The following ADCY1 variants were observed in gnomAD, a reference collection of about 807,000 sequenced individuals.
ADCY1 encodes adenylate cyclase 1, also known as adenylate cyclase type 1.
ADCY1 carries 28 observed loss-of-function variants against 105.4 expected under a neutral mutation model. The observed-to-expected ratio is 0.27, with a 90% CI of 0.20 to 0.36. ADCY1 has a LOEUF of 0.36. Ranked by LOEUF, ADCY1 falls within the 10% of genes least tolerant of loss-of-function variation. The probability of loss-of-function intolerance (pLI) is 1.00; values close to 1 mark genes in which losing one functional copy is unlikely to be tolerated. For synonymous variants in ADCY1, 655 were observed against 623.8 expected (o/e 1.05, Z -0.75); for missense variants, 977 against 1,434.2 (o/e 0.68, Z 5.15).
chr7:45,677,822 T>G, intron 8 of ADCY1, 47 bp from the exon 9 acceptor site: 1 of 1,578,850 alleles, frequency 6.3e-7, no homozygotes, highest in Non-Finnish European at 8.6e-7. Flanking sequence ...TTTTCTTCAA[T>G]AAGTGGAGAA....
At position 45,574,643 on chromosome 7, in the gene ADCY1, C is replaced by T. The variant is rs760606743; in HGVS notation, c.100C>T (p.Arg34Trp). The stretch of plus-strand genomic sequence containing the variant: ...CGGGACAAGCCGCCGGCGCGGGCTC[C>T]GGGCGTGCGACGAGGAGTTCGCTTG... ...AAGTSRRRGL[R>W]ACDEEFACPE... Residue 34 changes from arginine (R) to tryptophan (W), a missense_variant, in exon 1 of 20, where the codon CGG (arginine) becomes TGG (tryptophan). Physicochemically the swap from Arg to Trp is moderately radical, Grantham distance 101. This residue lies in a region of ADCY1 where 209 missense variants were observed against 222.5 expected (regional missense o/e 0.94). Transcript: ENST00000297323. The surrounding 1 kb of genome is among the most constrained non-coding windows in gnomAD (Gnocchi z 7.0). 2 of 1,260,326 alleles carry T rather than the reference C, an allele frequency of 1.6e-6. No individual in the cohort carries two copies. Among genetic ancestry groups the T allele is most frequent in the Non-Finnish European group, 2.0e-6 (2 of 1,004,300 alleles). The allele number at this position is 1,260,326 out of a possible 1,614,324, so 78.1% of individuals were successfully genotyped here. A position where few individuals can be genotyped will look rare whatever the true frequency, so the allele number is the denominator to read the frequency against.
At chr7:45,613,074 A>G (rs1793635699) in intron 3 of ADCY1, among the ~76,000 whole-genome samples, 1 of 152,202 alleles carries the variant, frequency 6.6e-6, no homozygotes, top group African/African-American at 2.4e-5. Context: ...GAACCAGGCA[A>G]AGATGTTCCA....
chr7:45,712,907 G>T (rs974917261), intron 19 of ADCY1, among the ~76,000 whole-genome samples: 21 of 152,108 alleles, frequency 1.4e-4, no homozygotes, highest in African/African-American at 5.1e-4. Flanking sequence ...AACCTGTCAA[G>T]AAATGTCTCT....
rs1584347584 is a variant in ADCY1 at position 45,710,264 on chromosome 7, A to T, written c.2933-264A>T. On this transcript the variant is annotated intron_variant, in intron 18 of 19. Coordinates refer to ENST00000297323, the MANE Select transcript of ADCY1 (RefSeq NM_021116.4). The surrounding 1 kb of genome is among the most constrained non-coding windows in gnomAD (Gnocchi z 4.7). ...TATTTAGGATCAGGACTCGTTTTGA[A>T]CAGCCAGTGCTGTTCCCCAGTGCAG... is the stretch of plus-strand genomic sequence containing the variant. 6.6e-6 allele frequency among the ~76,000 whole-genome samples: 1 copy of T among 152,256 alleles called. No individual in the cohort carries two copies. The highest frequency in any genetic ancestry group is 1.9e-4 in the East Asian group (1 of 5,170).
In ADCY1 at chr7:45,584,275, C is replaced by T. The variant is rs540570995; in HGVS notation, c.640-8484C>T. Among the ~76,000 whole-genome samples, 3 of 152,260 alleles carry T rather than the reference C, an allele frequency of 2.0e-5. No homozygotes were observed. In the South Asian group the frequency reaches 6.2e-4, roughly 32 times the overall value. On this transcript the variant is annotated intron_variant, in intron 1 of 19. Transcript: ENST00000297323. ...GCCCTTTTCTTACTGACATGGTTCG[C>T]CTGATTGCCGTCCTGCTGCGTGTGG...
chr7:45,669,754 TGAA>T (rs1784329221), intron 8 of ADCY1, among the ~76,000 whole-genome samples: 1 of 152,254 alleles, frequency 6.6e-6, no homozygotes, highest in African/African-American at 2.4e-5. Flanking sequence ...CTGAATTTAA[TGAA>T]GATAAAATTT....
At chr7:45,597,899 CA>C (rs1315213509) in intron 2 of ADCY1, among the ~76,000 whole-genome samples, 1 of 152,150 alleles carries the variant, frequency 6.6e-6, no homozygotes, top group Non-Finnish European at 1.5e-5. Flanking sequence ...CCTGAATTGT[CA>C]GTGTGCCTGA....
chr7:45,580,279 CAT>C (rs940893972), intron 1 of ADCY1, among the ~76,000 whole-genome samples: 4 of 152,200 alleles, frequency 2.6e-5, no homozygotes, highest in African/African-American at 9.6e-5. Context: ...GAGCCCTAGA[CAT>C]GTGCTGAGTC....
intron 4 of ADCY1, among the ~76,000 whole-genome samples, chr7:45,628,874 A>G (rs556078318): frequency 4.6e-5 from 7 of 152,228 alleles, no homozygotes; most frequent in Admixed American, 2.6e-4. Flanking sequence ...TGGGGTGAGC[A>G]TGAGGAGCTC....
At chr7:45,605,803 T>C (rs1168442581) in intron 2 of ADCY1, among the ~76,000 whole-genome samples, 2 of 152,246 alleles carry the variant, frequency 1.3e-5, no homozygotes, top group Non-Finnish European at 2.9e-5. Context: ...TATTCTGGCA[T>C]CTCTGTCTTG....
intron 14 of ADCY1, among the ~76,000 whole-genome samples, chr7:45,695,995 C>T (rs1784872739): frequency 6.6e-6 from 1 of 152,238 alleles, no homozygotes; most frequent in African/African-American, 2.4e-5. Flanking sequence ...ACGTTGGTAA[C>T]TCCAGACTTT....
At position 45,719,689 on chromosome 7, in the gene ADCY1, TGCATA is replaced by T. The variant is rs1223852096; in HGVS notation, c.*5700_*5704del. 2 of 152,216 alleles carry T rather than the reference TGCATA, an allele frequency of 1.3e-5. No individual in the cohort carries two copies. The highest frequency in any genetic ancestry group is 2.4e-5 in the African/African-American group (1 of 41,446). The allele number at this position is 152,216 out of a possible 1,614,324, so 9.4% of individuals were successfully genotyped here. Reference sequence around the variant, plus strand: ...GTGTGTGTCATGCACATCTGTGTGTTGCATAGCATAAGCCAAATGAAAATCATTTG... The same window carrying T: ...GTGTGTGTCATGCACATCTGTGTGTTGCATAAGCCAAATGAAAATCATTTG... On this transcript the variant is annotated 3_prime_UTR_variant, in exon 20 of 20. Coordinates refer to ENST00000297323, the MANE Select transcript of ADCY1 (RefSeq NM_021116.4).
intron 6 of ADCY1, among the ~76,000 whole-genome samples, chr7:45,658,488 G>T (rs370155147): frequency 6.6e-6 from 1 of 152,110 alleles, no homozygotes; most frequent in Non-Finnish European, 1.5e-5. Flanking sequence ...GTATGATCTC[G>T]CAGTGGCTAT....
chr7:45,715,021 C>T lies in ADCY1; in HGVS notation c.*1026C>T, dbSNP rs767493354. ...CTCCGGCAGAACCAACCCTCCAGGA[C>T]GAAGTTTCAGAATTGGCTGATGGTC... On this transcript the variant is annotated 3_prime_UTR_variant, in exon 20 of 20. Transcript: ENST00000297323. 1.4e-4 allele frequency: 21 copies of T among 152,228 alleles called. No homozygotes were observed. The highest frequency in any genetic ancestry group is 2.4e-4 in the Non-Finnish European group (16 of 68,052). 9.4% of individuals were successfully genotyped at this position (152,228 alleles called of 1,614,324 possible).
intron 10 of ADCY1, 103 bp downstream of exon 10, chr7:45,678,366 C>A: frequency 1.8e-6 from 2 of 1,129,672 alleles, no homozygotes; most frequent in Non-Finnish European, 1.3e-6. Context: ...CTGTTGTATG[C>A]TCAAGCTTCG....
At chr7:45,621,029 T>C (rs751779601) in intron 3 of ADCY1, among the ~76,000 whole-genome samples, 23 of 152,306 alleles carry the variant, frequency 1.5e-4, no homozygotes, top group Non-Finnish European at 2.8e-4. Context: ...GCCCCTTCCC[T>C]GAATAGAATG....
At position 45,718,737 on chromosome 7, in the gene ADCY1, T is replaced by G. The variant is rs1785406321; in HGVS notation, c.*4742T>G. The G allele has an allele frequency of 6.6e-6, 1 of 152,232 alleles. No homozygotes were observed. The highest frequency in any genetic ancestry group is 1.5e-5 in the Non-Finnish European group (1 of 68,172). 9.4% of individuals were successfully genotyped at this position (152,232 alleles called of 1,614,324 possible). A position where few individuals can be genotyped will look rare whatever the true frequency, so the allele number is the denominator to read the frequency against. ...GGTGGGCTGAGACCAGCATCCCAGCTGGACTGAGCCTGGGGGGAGGGGCTG... is the reference window on the plus strand; with the variant it reads ...GGTGGGCTGAGACCAGCATCCCAGCGGGACTGAGCCTGGGGGGAGGGGCTG... On this transcript the variant is annotated 3_prime_UTR_variant, in exon 20 of 20. Transcript: ENST00000297323.
chr7:45,639,574 C>G (rs1269788024), intron 4 of ADCY1, among the ~76,000 whole-genome samples: 1 of 152,228 alleles, frequency 6.6e-6, no homozygotes, highest in Non-Finnish European at 1.5e-5. Context: ...TCATCCTGAT[C>G]CCATTCCTCA....
At chr7:45,574,252 CTGTG>C, upstream of ADCY1, 9 of 617,678 alleles carry the variant, frequency 1.5e-5, no homozygotes, top group South Asian at 7.1e-5. This position sits in a 1 kb window ranked among gnomAD's most constrained non-coding sequence, Gnocchi z 7.0. Flanking sequence ...GGGGCGCGGG[CTGTG>C]CGCGCCCAGG....
Sources: gnomAD v4.1 joint callset for allele counts (sites outside exome capture counted in the v4.1 genomes callset) on GRCh38, gnomAD v4.1.1 for gene constraint, gnomAD v4.1.1 regional missense constraint, Gnocchi (gnomAD v3.1) non-coding constraint, MANE v1.5 for transcripts, NCBI Gene and HGNC (gene_info 2026-07-23, HGNC 2026-07-21) for gene names.